The following TRPV4 variants were observed in gnomAD, a reference collection of about 807,000 sequenced individuals.
The protein encoded by TRPV4 is OSM9-like transient receptor potential channel 4.
TRPV4 carries 58 observed loss-of-function variants against 84.1 expected under a neutral mutation model. The observed-to-expected ratio is 0.69, with a 90% CI of 0.56 to 0.86. TRPV4 has a LOEUF of 0.86. Among genes scored for constraint, TRPV4 ranks in the 40% least tolerant of loss-of-function variants. The pLI, the probability that TRPV4 is intolerant of heterozygous loss-of-function variation, is 0.00. For missense variants in TRPV4, 879 were observed against 1,181.1 expected, an observed-to-expected ratio of 0.74 and a Z score of 3.75; for synonymous variants, 489 against 500.9, an observed-to-expected ratio of 0.98 and a Z score of 0.32.
chr12:109,796,605 G>A lies in TRPV4; in HGVS notation c.1252C>T (p.Leu418Phe). Residue 418 changes from leucine to phenylalanine, a missense_variant, in exon 7 of 16, where the codon CTT becomes TTT. Around this residue, in one of 4 missense-constraint regions of TRPV4, gnomAD observed 521 missense variants for 686.6 expected, o/e 0.76. Coordinates refer to ENST00000261740, the MANE Select transcript of TRPV4 (RefSeq NM_021625.5). This position sits in a 1 kb window ranked among gnomAD's most constrained non-coding sequence, Gnocchi z 4.2. ...GTGTCCAGGGAGGAGAGGTCATAAA[G>A]CGAGGAATACACTGGCCCATAGGCC... ...DWAYGPVYSS[L>F]YDLSSLDTCG... The A allele has an allele frequency of 1.2e-6, 2 of 1,614,186 alleles. No homozygotes were observed. The highest frequency in any genetic ancestry group is 1.7e-6 in the Non-Finnish European group (2 of 1,180,030).
chr12:109,802,192 C>A (rs1890828359), intron 4 of TRPV4, among the ~76,000 whole-genome samples: 1 of 150,278 alleles, frequency 6.7e-6, no homozygotes, highest in African/African-American at 2.5e-5. Context: ...TGCAGTGGCA[C>A]AATCATAGCT....
chr12:109,824,131 A>G (rs1406419407), intron 1 of TRPV4, among the ~76,000 whole-genome samples: 1 of 151,882 alleles, frequency 6.6e-6, no homozygotes, highest in East Asian at 1.9e-4. Flanking sequence ...GCGCCAGCTA[A>G]TTTTTGTATT....
At chr12:109,810,393 G>C (rs1433827111) in intron 2 of TRPV4, among the ~76,000 whole-genome samples, 1 of 152,240 alleles carries the variant, frequency 6.6e-6, no homozygotes, top group African/African-American at 2.4e-5. Flanking sequence ...AGCAGGGCCA[G>C]AGGGGAAGGG....
At chr12:109,790,516 G>C (rs1303693443) in intron 12 of TRPV4, among the ~76,000 whole-genome samples, 1 of 152,234 alleles carries the variant, frequency 6.6e-6, no homozygotes, top group Admixed American at 6.5e-5. Flanking sequence ...TGGGCTGCTA[G>C]TTTAATTATT....
intron 1 of TRPV4, among the ~76,000 whole-genome samples, chr12:109,831,619 T>G (rs1038005794): frequency 6.6e-6 from 1 of 152,204 alleles, no homozygotes; most frequent in Non-Finnish European, 1.5e-5. Context: ...AGAGGCCCAG[T>G]TGGCACCAGA....
chr12:109,829,959 G>A (rs1892367230), intron 1 of TRPV4, among the ~76,000 whole-genome samples: 1 of 152,200 alleles, frequency 6.6e-6, no homozygotes, highest in African/African-American at 2.4e-5. Flanking sequence ...GGCACTACAG[G>A]TGCGTGCTAC....
At chr12:109,813,301 A>G (rs1891636104) in intron 2 of TRPV4, among the ~76,000 whole-genome samples, 1 of 152,052 alleles carries the variant, frequency 6.6e-6, no homozygotes, top group Non-Finnish European at 1.5e-5. Flanking sequence ...TAATCCCGCT[A>G]CTCGGGAGGC....
intron 1 of TRPV4, among the ~76,000 whole-genome samples, chr12:109,819,847 C>A (rs1273271340): frequency 2.0e-5 from 3 of 152,228 alleles, no homozygotes; most frequent in African/African-American, 4.8e-5. Flanking sequence ...CAGGCATGAG[C>A]CACTGCGCCC....
chr12:109,806,510 A>G (rs1891140558), intron 3 of TRPV4, among the ~76,000 whole-genome samples: 2 of 151,470 alleles, frequency 1.3e-5, no homozygotes, highest in South Asian at 4.2e-4. Context: ...CGGCCCCAGT[A>G]ATTGTCTCCT....
At chr12:109,810,546 C>T (rs1324852522) in intron 2 of TRPV4, among the ~76,000 whole-genome samples, 1 of 152,130 alleles carries the variant, frequency 6.6e-6, no homozygotes, top group African/African-American at 2.4e-5. Context: ...CCTTCCTCTT[C>T]GCCAGGGGTT....
intron 7 of TRPV4, among the ~76,000 whole-genome samples, chr12:109,794,743 C>T (rs1357706487): frequency 2.6e-5 from 4 of 152,140 alleles, no homozygotes. Flanking sequence ...TCAGGCCGGC[C>T]GCAGTGGCTC....
Position 109,783,515 on chromosome 12 carries a change from C to A in TRPV4, c.*106G>T. 6.8e-7 allele frequency: 1 copy of A among 1,470,844 alleles called. No homozygotes were observed. Among genetic ancestry groups the A allele is most frequent in the Non-Finnish European group, 9.2e-7 (1 of 1,092,886 alleles). 91.1% of individuals were successfully genotyped at this position (1,470,844 alleles called of 1,614,324 possible). ...CCCTGGCACCTCCACTGGTCCCTCGCCTCTGGGGCCAAAGCAGGGTGTGGG... is the reference window on the plus strand; with the variant it reads ...CCCTGGCACCTCCACTGGTCCCTCGACTCTGGGGCCAAAGCAGGGTGTGGG... On this transcript the variant is annotated 3_prime_UTR_variant, in exon 16 of 16. Coordinates refer to ENST00000261740, the MANE Select transcript of TRPV4 (RefSeq NM_021625.5). This position sits in a 1 kb window ranked among gnomAD's most constrained non-coding sequence, Gnocchi z 4.6.
At chr12:109,832,603 C>G (rs1440254398) in intron 1 of TRPV4, 1 of 152,588 alleles carries the variant, frequency 6.6e-6, no homozygotes, top group East Asian at 1.9e-4. Flanking sequence ...GCTGGATAGT[C>G]CCTGGGTTTA....
intron 1 of TRPV4, among the ~76,000 whole-genome samples, chr12:109,823,886 A>T (rs1053949494): frequency 2.0e-5 from 3 of 152,118 alleles, no homozygotes; most frequent in African/African-American, 7.2e-5. Context: ...CCTTGTTGCA[A>T]CATGGGAATG....
rs1890426496 is a variant in TRPV4, at chr12:109,796,743, G to C, written c.1153-39C>G. On this transcript the variant is annotated intron_variant, in intron 6 of 15. Coordinates refer to ENST00000261740, the MANE Select transcript of TRPV4 (RefSeq NM_021625.5). The surrounding 1 kb of genome is among the most constrained non-coding windows in gnomAD (Gnocchi z 4.2). Reference sequence around the variant, plus strand: ...CAGGAGGGTCAGGGGGCTCACACTGGAAAGACCCCCAGGGCTGGGCCCAGC... The same window carrying C: ...CAGGAGGGTCAGGGGGCTCACACTGCAAAGACCCCCAGGGCTGGGCCCAGC... 6.3e-7 allele frequency: 1 copy of C among 1,584,280 alleles called. No homozygotes were observed. The highest frequency in any genetic ancestry group is 8.6e-7 in the Non-Finnish European group (1 of 1,163,462).
At chr12:109,795,782 C>G (rs1890354398) in intron 7 of TRPV4, among the ~76,000 whole-genome samples, 1 of 152,152 alleles carries the variant, frequency 6.6e-6, no homozygotes, top group Non-Finnish European at 1.5e-5. Context: ...GGATCTCACT[C>G]TGTCACCCAG....
rs1166807906 is a variant in TRPV4, at chr12:109,814,040, G to T, written c.386+371C>A. 2.6e-5 allele frequency among the ~76,000 whole-genome samples: 4 copies of T among 151,870 alleles called. No individual in the cohort carries two copies. Among genetic ancestry groups the T allele is most frequent in the African/African-American group, 4.8e-5 (2 of 41,260 alleles). On this transcript the variant is annotated intron_variant, in intron 2 of 15. Transcript: ENST00000261740. The surrounding 1 kb of genome is among the most constrained non-coding windows in gnomAD (Gnocchi z 5.4). The stretch of plus-strand genomic sequence containing the variant: ...ATGATAGATGGCTGGATGATGGATG[G>T]ATGTATGGATGGATGATATATGGAT...
intron 1 of TRPV4, among the ~76,000 whole-genome samples, chr12:109,817,796 G>C (rs1044827097): frequency 6.6e-6 from 1 of 152,148 alleles, no homozygotes; most frequent in Non-Finnish European, 1.5e-5. Context: ...CTCCTCTAAG[G>C]ACATTTGGCA....
intron 1 of TRPV4, among the ~76,000 whole-genome samples, chr12:109,829,663 G>A (rs534985042): frequency 5.3e-5 from 8 of 152,304 alleles, no homozygotes; most frequent in Admixed American, 1.3e-4. Flanking sequence ...CCCCATCCAC[G>A]TGCCTTGGGT....
Sources: gnomAD v4.1 joint callset for allele counts (sites outside exome capture counted in the v4.1 genomes callset) on GRCh38, gnomAD v4.1.1 for gene constraint, gnomAD v4.1.1 regional missense constraint, Gnocchi (gnomAD v3.1) non-coding constraint, MANE v1.5 for transcripts, NCBI Gene and HGNC (gene_info 2026-07-23, HGNC 2026-07-21) for gene names.